The following EML6 variants were observed in gnomAD, a reference collection of about 807,000 sequenced individuals.
EML6 encodes the protein echinoderm microtubule-associated protein-like 6.
EML6 carries 154 observed loss-of-function variants against 240.1 expected under a neutral mutation model. The ratio of observed to expected loss-of-function variants is 0.64; its 90% CI spans 0.56 to 0.73. EML6 has a LOEUF of 0.73. Ranked by LOEUF, EML6 falls within the 30% of genes least tolerant of loss-of-function variation. The probability of loss-of-function intolerance (pLI) is 0.00; values close to 1 mark genes in which losing one functional copy is unlikely to be tolerated. For synonymous variants in EML6, 1,148 were observed against 899.0 expected (o/e 1.28, Z -4.95); for missense variants, 2,964 against 2,474.6 (o/e 1.20, Z -4.20).
chr2:54,874,656 A>T (rs1671415428), intron 16 of EML6, among the ~76,000 whole-genome samples: 1 of 152,186 alleles, frequency 6.6e-6, no homozygotes, highest in South Asian at 2.1e-4. Flanking sequence ...TTTGACTGAT[A>T]CGTGATTCAT....
chr2:54,741,168 G>A (rs958967644), intron 2 of EML6, among the ~76,000 whole-genome samples: 2 of 152,090 alleles, frequency 1.3e-5, no homozygotes, highest in Non-Finnish European at 2.9e-5. Context: ...AGCCCCAAGT[G>A]CAGCTGATCT....
At position 54,871,547 on chromosome 2, in the gene EML6, A is replaced by G. The variant is rs1671256104; in HGVS notation, c.2286A>G (p.Lys762=). 6.4e-7 allele frequency: 1 copy of G among 1,551,778 alleles called. No homozygotes were observed. Among genetic ancestry groups the G allele is most frequent in the African/African-American group, 1.4e-5 (1 of 73,194 alleles). Residue 762 remains lysine (K), a synonymous_variant, in exon 16 of 42, where the codon AAA becomes AAG. Transcript: ENST00000356458. ...ATGTGTGGGACACACAAACTCTAAA[A>G]TGTTTGTCGCTGTTGAAAGGACAAC... ...AIHVWDTQTL[K]CLSLLKGQHQ... is the part of the protein sequence containing the mutation.
chr2:54,894,731 A>C (rs1672668950), intron 19 of EML6, among the ~76,000 whole-genome samples, 184 bp from the exon 20 acceptor site: 1 of 152,214 alleles, frequency 6.6e-6, no homozygotes, highest in Non-Finnish European at 1.5e-5. Flanking sequence ...TGCTTAGGGA[A>C]GTATGGGAGA....
chr2:54,885,104 C>T (rs1434953235), intron 17 of EML6, among the ~76,000 whole-genome samples: 3 of 152,088 alleles, frequency 2.0e-5, no homozygotes, highest in Non-Finnish European at 2.9e-5. Context: ...TTGCAGTGAG[C>T]CCAGATTGCG....
At chr2:54,784,606 T>G (rs1340831881) in intron 2 of EML6, among the ~76,000 whole-genome samples, 1 of 152,192 alleles carries the variant, frequency 6.6e-6, no homozygotes, top group African/African-American at 2.4e-5. Context: ...TAACTACTAA[T>G]AGCATGCTGT....
At chr2:54,924,303 G>A (rs4671233) in intron 26 of EML6, among the ~76,000 whole-genome samples, 139,658 of 152,206 alleles carry the variant, frequency 0.92, 64,231 homozygotes, top group Middle Eastern at 0.99. Flanking sequence ...GGGAGTAGAT[G>A]GTGCCATCCA....
At position 54,963,978 on chromosome 2, in the gene EML6, C is replaced by G. The variant is rs774097484; in HGVS notation, c.5158-8C>G. ...GAGCTCAGGTGACTTTCCTTTGCAT[C>G]AATGTAGAAGCTGTTAAACAAGGTG... On this transcript the variant is annotated splice_polypyrimidine_tract_variant and splice_region_variant and intron_variant, in intron 36 of 41. Transcript: ENST00000356458. 7 of 1,544,316 alleles carry G rather than the reference C, an allele frequency of 4.5e-6. No individual in the cohort carries two copies. The highest frequency in any genetic ancestry group is 1.7e-4 in the Middle Eastern group (1 of 5,968).
At chr2:54,932,448 C>G (rs1012350815) in intron 28 of EML6, among the ~76,000 whole-genome samples, 1 of 152,224 alleles carries the variant, frequency 6.6e-6, no homozygotes, top group Non-Finnish European at 1.5e-5. Flanking sequence ...CGACTTGACG[C>G]TAATTCTGGT....
At chr2:54,921,633 GA>G (rs919239287) in intron 26 of EML6, among the ~76,000 whole-genome samples, 1 of 151,920 alleles carries the variant, frequency 6.6e-6, no homozygotes, top group African/African-American at 2.4e-5. Context: ...GCAATCCCAA[GA>G]AAGAATAAAG....
chr2:54,912,171 G>A (rs1673676734), intron 25 of EML6, among the ~76,000 whole-genome samples: 1 of 152,136 alleles, frequency 6.6e-6, no homozygotes, highest in Admixed American at 6.5e-5. Flanking sequence ...TATATGTGTA[G>A]TACTTAAAAA....
chr2:54,916,308 T>C (rs191194175), intron 25 of EML6, among the ~76,000 whole-genome samples: 31 of 152,338 alleles, frequency 2.0e-4, no homozygotes, highest in African/African-American at 7.5e-4. Context: ...TGGCAATGCC[T>C]GGGGACAAGG....
At chr2:54,876,815 A>G (rs1347538037) in intron 16 of EML6, among the ~76,000 whole-genome samples, 1 of 152,106 alleles carries the variant, frequency 6.6e-6, no homozygotes, top group African/African-American at 2.4e-5. Context: ...CATCACCTCA[A>G]ACATTTATCA....
intron 2 of EML6, among the ~76,000 whole-genome samples, chr2:54,788,781 A>G (rs1669234742): frequency 6.6e-6 from 1 of 152,172 alleles, no homozygotes; most frequent in South Asian, 2.1e-4. Context: ...CAGAACATAT[A>G]TTTTAGGAAT....
chr2:54,806,502 A>G (rs1310764562), intron 2 of EML6, among the ~76,000 whole-genome samples: 1 of 149,954 alleles, frequency 6.7e-6, no homozygotes, highest in Admixed American at 6.7e-5. Flanking sequence ...AATCCCAACT[A>G]CTCGGGATGC....
At chr2:54,805,399 C>T (rs991511722) in intron 2 of EML6, among the ~76,000 whole-genome samples, 1 of 152,172 alleles carries the variant, frequency 6.6e-6, no homozygotes, top group Non-Finnish European at 1.5e-5. Flanking sequence ...AGTGATTTAT[C>T]ATTTTACATT....
intron 21 of EML6, among the ~76,000 whole-genome samples, chr2:54,898,651 A>G (rs970033983): frequency 4.6e-5 from 7 of 152,184 alleles, no homozygotes; most frequent in Non-Finnish European, 8.8e-5. Context: ...GAATCATCCA[A>G]TTTCTCTTTG....
intron 7 of EML6, among the ~76,000 whole-genome samples, chr2:54,842,504 C>A (rs1327643368): frequency 1.3e-5 from 2 of 152,156 alleles, no homozygotes; most frequent in African/African-American, 4.8e-5. Context: ...GGAAAGAATA[C>A]TCCTATGTCT....
Position 54,913,914 on chromosome 2 carries a change from A to C in EML6, c.3499-2845A>C, listed in dbSNP as rs764228888. 3.9e-5 allele frequency among the ~76,000 whole-genome samples: 6 copies of C among 152,282 alleles called. No individual in the cohort carries two copies. In the South Asian group the frequency reaches 8.3e-4, roughly 21 times the overall value. ...TCCCAGCACCATATATTTAACAGAGAGTCCTTTCCCCATTGCTTATTTTTG... is the reference window on the plus strand; with the variant it reads ...TCCCAGCACCATATATTTAACAGAGCGTCCTTTCCCCATTGCTTATTTTTG... On this transcript the variant is annotated intron_variant, in intron 25 of 41. Transcript: ENST00000356458.
At chr2:54,805,123 C>A (rs915734480) in intron 2 of EML6, among the ~76,000 whole-genome samples, 1 of 152,148 alleles carries the variant, frequency 6.6e-6, no homozygotes, top group African/African-American at 2.4e-5. Flanking sequence ...TTTTGAGATT[C>A]ATCCATGCTG....
Sources: gnomAD v4.1 joint callset for allele counts (sites outside exome capture counted in the v4.1 genomes callset) on GRCh38, gnomAD v4.1.1 for gene constraint, MANE v1.5 for transcripts, NCBI Gene and HGNC (gene_info 2026-07-23, HGNC 2026-07-21) for gene names.